The following RAB2A variants were observed in gnomAD, a reference collection of about 807,000 sequenced individuals.
RAB2A encodes the protein RAB2A, member RAS oncogene family, also known as ras-related protein Rab-2A.
A neutral mutation model predicts 32.5 loss-of-function variants in RAB2A; 7 were observed. That is an observed-to-expected ratio of 0.22 (90% CI 0.12 to 0.40). RAB2A has a LOEUF of 0.40. Among genes scored for constraint, RAB2A ranks in the 10% least tolerant of loss-of-function variants. The pLI is 1.00. For missense variants in RAB2A, 108 were observed against 260.7 expected (o/e 0.41, Z 4.03); for synonymous variants, 79 against 85.2 (o/e 0.93, Z 0.40).
chr8:60,565,465 G>A (rs1207565716), intron 2 of RAB2A, among the ~76,000 whole-genome samples: 1 of 149,182 alleles, frequency 6.7e-6, no homozygotes, highest in Non-Finnish European at 1.5e-5. Context: ...GGAAATGAAA[G>A]TATACTTTTA....
intron 1 of RAB2A, among the ~76,000 whole-genome samples, chr8:60,550,294 T>G (rs112601516): frequency 6.6e-6 from 1 of 151,636 alleles, no homozygotes; most frequent in Non-Finnish European, 1.5e-5. Flanking sequence ...GCCTCACAAA[T>G]TCAATTTGAA....
chr8:60,566,204 A>G (rs72648602), intron 2 of RAB2A, among the ~76,000 whole-genome samples: 22,685 of 152,152 alleles, frequency 0.15, 1,852 homozygotes, highest in East Asian at 0.26. Context: ...ACACACACAC[A>G]AAGCTGTTCT....
intron 5 of RAB2A, among the ~76,000 whole-genome samples, chr8:60,586,630 T>C (rs551599662): frequency 2.0e-5 from 3 of 151,788 alleles, no homozygotes; most frequent in South Asian, 4.2e-4. Flanking sequence ...TAAAAATTCA[T>C]TGAAGGCCAG....
intron 1 of RAB2A, among the ~76,000 whole-genome samples, chr8:60,534,403 G>A (rs1807526875): frequency 6.6e-6 from 1 of 152,142 alleles, no homozygotes; most frequent in Admixed American, 6.5e-5. Context: ...GGGCTGCAGT[G>A]TACCATGATC....
At chr8:60,593,642 C>T (rs978783704) in intron 6 of RAB2A, among the ~76,000 whole-genome samples, 1 of 151,998 alleles carries the variant, frequency 6.6e-6, no homozygotes, top group Non-Finnish European at 1.5e-5. Context: ...AAATAAGACC[C>T]AGAGTCTCAT....
chr8:60,572,651 A>G (rs1808213353), intron 3 of RAB2A, among the ~76,000 whole-genome samples: 1 of 152,124 alleles, frequency 6.6e-6, no homozygotes, highest in South Asian at 2.1e-4. Context: ...TGTTTTCTCT[A>G]TTCTCCCATC....
chr8:60,589,277 T>C (rs925172729), intron 5 of RAB2A, among the ~76,000 whole-genome samples: 5 of 152,204 alleles, frequency 3.3e-5, no homozygotes, highest in African/African-American at 1.2e-4. Context: ...AAACAAAGCA[T>C]AGTATGTAAA....
intron 1 of RAB2A, among the ~76,000 whole-genome samples, chr8:60,519,392 G>A (rs1261057812): frequency 1.3e-5 from 2 of 152,012 alleles, no homozygotes; most frequent in Admixed American, 1.3e-4. Flanking sequence ...TTTTTTCCTG[G>A]GCACTGCTAG....
intron 2 of RAB2A, among the ~76,000 whole-genome samples, chr8:60,566,249 G>T (rs889277238): frequency 6.6e-5 from 10 of 152,232 alleles, no homozygotes; most frequent in African/African-American, 2.4e-4. Context: ...ATCAAAGTGC[G>T]CATTCCTCCT....
At chr8:60,564,548 G>C (rs1465966348) in intron 2 of RAB2A, among the ~76,000 whole-genome samples, 1 of 151,830 alleles carries the variant, frequency 6.6e-6, no homozygotes, top group Non-Finnish European at 1.5e-5. Flanking sequence ...CCTCCCCCAT[G>C]TACAGATCTA....
intron 1 of RAB2A, among the ~76,000 whole-genome samples, chr8:60,543,649 G>T (rs1202592556): frequency 6.6e-6 from 1 of 152,276 alleles, no homozygotes; most frequent in South Asian, 2.1e-4. Context: ...ATTTACTACA[G>T]TAAACCGCCA....
At chr8:60,609,582 G>A (rs1238381425) in intron 6 of RAB2A, among the ~76,000 whole-genome samples, 1 of 152,078 alleles carries the variant, frequency 6.6e-6, no homozygotes. Flanking sequence ...TTTCATTCTG[G>A]TTATGCTTTG....
At chr8:60,524,157 T>C (rs975824132) in intron 1 of RAB2A, among the ~76,000 whole-genome samples, 1 of 152,160 alleles carries the variant, frequency 6.6e-6, no homozygotes, top group African/African-American at 2.4e-5. Context: ...CTCTCCCTAC[T>C]CATCTTCTCA....
chr8:60,600,938 G>A (rs1228571772), intron 6 of RAB2A, among the ~76,000 whole-genome samples: 1 of 152,182 alleles, frequency 6.6e-6, no homozygotes, highest in Non-Finnish European at 1.5e-5. Flanking sequence ...CTACATAAAT[G>A]TTACACGGGA....
intron 1 of RAB2A, among the ~76,000 whole-genome samples, chr8:60,545,837 C>T (rs1217151822): frequency 2.0e-5 from 3 of 152,184 alleles, no homozygotes; most frequent in South Asian, 4.1e-4. Context: ...TTTTGCACAT[C>T]ATTAAACAAA....
At chr8:60,527,962 T>C (rs1022144034) in intron 1 of RAB2A, among the ~76,000 whole-genome samples, 1 of 152,212 alleles carries the variant, frequency 6.6e-6, no homozygotes, top group African/African-American at 2.4e-5. Flanking sequence ...ATACAGTCTT[T>C]TTGTATACAG....
intron 6 of RAB2A, among the ~76,000 whole-genome samples, chr8:60,601,026 G>T (rs1199136644): frequency 6.7e-6 from 1 of 149,938 alleles, no homozygotes; most frequent in African/African-American, 2.5e-5. Context: ...AAAAATAACT[G>T]TGTACATCCA....
chr8:60,614,544 C>A (rs1019921170), intron 6 of RAB2A, among the ~76,000 whole-genome samples: 2 of 152,044 alleles, frequency 1.3e-5, no homozygotes, highest in Admixed American at 6.6e-5. Flanking sequence ...GCGAGCCTGG[C>A]CAGTGACAAT....
chr8:60,620,828 C>A lies in RAB2A; in HGVS notation c.*59C>A. The A allele has an allele frequency of 7.2e-7, 1 of 1,386,482 alleles. No individual in the cohort carries two copies. Among genetic ancestry groups the A allele is most frequent in the South Asian group, 1.3e-5 (1 of 76,266 alleles). 85.9% of individuals were successfully genotyped at this position (1,386,482 alleles called of 1,614,324 possible). A position where few individuals can be genotyped will look rare whatever the true frequency, so the allele number is the denominator to read the frequency against. On this transcript the variant is annotated 3_prime_UTR_variant, in exon 8 of 8. Transcript: ENST00000262646. ...CTACTCACTTATTCTTTCACCCCCTCTCCTCCTGCTCAGCTGAGACATGAA... is the reference window on the plus strand; with the variant it reads ...CTACTCACTTATTCTTTCACCCCCTATCCTCCTGCTCAGCTGAGACATGAA...
Sources: allele counts gnomAD v4.1 joint callset (sites outside exome capture counted in the v4.1 genomes callset), GRCh38; gene constraint gnomAD v4.1.1; transcripts MANE v1.5; gene names NCBI Gene and HGNC (gene_info 2026-07-23, HGNC 2026-07-21).